BMPR1B: variants seen among roughly 807,000 people sequenced by gnomAD.
BMPR1B encodes the protein bone morphogenetic protein receptor type-1B.
A neutral mutation model predicts 59.1 loss-of-function variants in BMPR1B; 12 were observed. The ratio of observed to expected loss-of-function variants is 0.20; its 90% CI spans 0.13 to 0.33. The LOEUF (loss-of-function observed/expected upper bound fraction) is 0.33, where lower values mean the gene tolerates loss of function less well. Among genes scored for constraint, BMPR1B ranks in the 10% least tolerant of loss-of-function variants. The pLI, the probability that BMPR1B is intolerant of heterozygous loss-of-function variation, is 1.00. For missense variants in BMPR1B, 550 were observed against 610.9 expected, an observed-to-expected ratio of 0.90 and a Z score of 1.05; for synonymous variants, 237 against 207.3, an observed-to-expected ratio of 1.14 and a Z score of -1.23.
At chr4:95,153,886 A>T (rs941449199) in intron 12 of BMPR1B, among the ~76,000 whole-genome samples, 3 of 152,176 alleles carry the variant, frequency 2.0e-5, no homozygotes, top group African/African-American at 7.2e-5. Flanking sequence ...CCTTTGGCTC[A>T]TTGGTTTTGT....
intron 4 of BMPR1B, among the ~76,000 whole-genome samples, chr4:95,112,753 G>A (rs922124343): frequency 2.6e-5 from 4 of 151,922 alleles, no homozygotes; most frequent in African/African-American, 9.7e-5. Context: ...TGAATTTACT[G>A]TCTCTGATGT....
At chr4:94,844,697 A>T (rs1281299463) in intron 1 of BMPR1B, among the ~76,000 whole-genome samples, 1 of 151,978 alleles carries the variant, frequency 6.6e-6, no homozygotes, top group Non-Finnish European at 1.5e-5. Context: ...CCCGCCCCAG[A>T]TTGTTTCACA....
intron 2 of BMPR1B, among the ~76,000 whole-genome samples, chr4:94,988,159 T>C (rs1721529076): frequency 6.6e-6 from 1 of 152,104 alleles, no homozygotes; most frequent in Admixed American, 6.5e-5. Flanking sequence ...ATATTGCGAA[T>C]ATTTATTATT....
At chr4:94,931,724 G>A (rs1168969232) in intron 2 of BMPR1B, among the ~76,000 whole-genome samples, 5 of 152,046 alleles carry the variant, frequency 3.3e-5, no homozygotes, top group East Asian at 1.9e-4. Flanking sequence ...CTGTCTTCAC[G>A]TGTCACCTAC....
At chr4:95,049,383 G>T (rs571886924) in intron 3 of BMPR1B, among the ~76,000 whole-genome samples, 186 of 144,070 alleles carry the variant, frequency 1.3e-3, no homozygotes, top group African/African-American at 4.5e-3. Context: ...CAAGTAGCTG[G>T]GATTACAGGT....
At chr4:94,828,256 T>C (rs1265476719) in intron 1 of BMPR1B, among the ~76,000 whole-genome samples, 1 of 152,206 alleles carries the variant, frequency 6.6e-6, no homozygotes, top group Non-Finnish European at 1.5e-5. Flanking sequence ...AAAGTAGCAT[T>C]GCAAGAAATG....
chr4:94,864,240 G>A (rs562128252), intron 1 of BMPR1B, among the ~76,000 whole-genome samples: 27 of 152,242 alleles, frequency 1.8e-4, no homozygotes, highest in Non-Finnish European at 3.2e-4. Flanking sequence ...AAGACCCTTC[G>A]TCTGTGCCAG....
intron 3 of BMPR1B, chr4:95,051,644 A>G (rs1726509310): frequency 4.7e-6 from 7 of 1,503,334 alleles, no homozygotes; most frequent in Non-Finnish European, 6.3e-6. Flanking sequence ...AAAGACGGAA[A>G]GGCAAGAAAC....
intron 3 of BMPR1B, among the ~76,000 whole-genome samples, chr4:95,046,124 C>T (rs996138472): frequency 2.0e-5 from 3 of 152,024 alleles, no homozygotes; most frequent in Non-Finnish European, 2.9e-5. Context: ...AGGCTAGTCT[C>T]GAACCCCTGG....
At chr4:94,881,016 C>T (rs1726946415) in intron 2 of BMPR1B, among the ~76,000 whole-genome samples, 2 of 152,120 alleles carry the variant, frequency 1.3e-5, no homozygotes, top group Admixed American at 6.5e-5. Context: ...TGAAGTTTTA[C>T]CTTGCATAAT....
intron 1 of BMPR1B, among the ~76,000 whole-genome samples, chr4:94,778,502 A>G (rs554813348): frequency 6.6e-6 from 1 of 152,092 alleles, no homozygotes; most frequent in African/African-American, 2.4e-5. Flanking sequence ...GGGTATTTCT[A>G]TATATTTGCT....
chr4:94,846,278 A>C (rs1317465980), intron 1 of BMPR1B, among the ~76,000 whole-genome samples: 1 of 152,216 alleles, frequency 6.6e-6, no homozygotes, highest in Non-Finnish European at 1.5e-5. Context: ...GAATGAAACA[A>C]AATTCCTATC....
At chr4:94,768,673 A>T (rs17022117) in intron 1 of BMPR1B, among the ~76,000 whole-genome samples, 1,713 of 152,254 alleles carry the variant, frequency 0.011, 31 homozygotes, top group African/African-American at 0.039. Flanking sequence ...ACTAAGTTAG[A>T]GTAAGTGGAA....
In BMPR1B at chr4:95,101,761, A is replaced by G. The variant is rs556124222; in HGVS notation, c.-17-2647A>G. Among the ~76,000 whole-genome samples the G allele has an allele frequency of 3.3e-4, 50 of 152,272 alleles. No individual in the cohort carries two copies. In the South Asian group the frequency reaches 9.1e-3, roughly 28 times the overall value. ...CTGTAAATTTTGTCCAGAAAAAAAAATGTTGATTGCAGTGGGCACCTGTGG... is the reference window on the plus strand; with the variant it reads ...CTGTAAATTTTGTCCAGAAAAAAAAGTGTTGATTGCAGTGGGCACCTGTGG... On this transcript the variant is annotated intron_variant, in intron 3 of 12. Transcript: ENST00000515059.
intron 2 of BMPR1B, among the ~76,000 whole-genome samples, chr4:94,955,033 G>A (rs1174120590): frequency 2.0e-5 from 3 of 152,146 alleles, no homozygotes; most frequent in Non-Finnish European, 4.4e-5. Flanking sequence ...AAGAATTGTA[G>A]TGGGTGTATG....
intron 2 of BMPR1B, among the ~76,000 whole-genome samples, chr4:94,882,992 G>T (rs1465120297): frequency 1.3e-5 from 2 of 151,744 alleles, no homozygotes; most frequent in Non-Finnish European, 2.9e-5. Flanking sequence ...GTGTGTGTGT[G>T]TGTGTGTGTG....
intron 3 of BMPR1B, among the ~76,000 whole-genome samples, chr4:95,094,612 A>G (rs1169976099): frequency 6.6e-6 from 1 of 152,120 alleles, no homozygotes; most frequent in African/African-American, 2.4e-5. Context: ...CCCCACTGCA[A>G]CCAGTGAGTA....
At chr4:94,823,920 G>A (rs1044009776) in intron 1 of BMPR1B, among the ~76,000 whole-genome samples, 6 of 152,016 alleles carry the variant, frequency 3.9e-5, no homozygotes, top group African/African-American at 9.7e-5. Context: ...GCTAATTTTT[G>A]TATTTTTAGT....
chr4:95,116,414 A>AGCGCGC lies in BMPR1B; in HGVS notation c.349+630_349+635dup, dbSNP rs746066664. ...TCCCTTTCTCCTCCTCCATGCTTTC[A>AGCGCGC]GCGCGCGCACACACACACACACACA... On this transcript the variant is annotated intron_variant, in intron 6 of 12. Transcript: ENST00000515059. Among the ~76,000 whole-genome samples the AGCGCGC allele has an allele frequency of 1.3e-3, 99 of 74,236 alleles. No homozygotes were observed. In the Middle Eastern group the frequency reaches 0.029, roughly 22 times the overall value. The allele number at this position is 74,236 out of a possible 152,430, so 48.7% of individuals were successfully genotyped here.
Sources: allele counts gnomAD v4.1 joint callset (sites outside exome capture counted in the v4.1 genomes callset), GRCh38; gene constraint gnomAD v4.1.1; transcripts MANE v1.5; gene names NCBI Gene and HGNC (gene_info 2026-07-23, HGNC 2026-07-21).